Variants in FAM169A observed in about 807,000 individuals in gnomAD.
The protein encoded by FAM169A is family with sequence similarity 169 member A.
Under a neutral mutation model 75.7 loss-of-function variants are expected in FAM169A, and 24 were observed. The observed-to-expected ratio is 0.32, with a 90% CI of 0.23 to 0.45. The LOEUF (loss-of-function observed/expected upper bound fraction) is 0.45, where lower values mean the gene tolerates loss of function less well. Among genes scored for constraint, FAM169A ranks in the 20% least tolerant of loss-of-function variants. The pLI is 1.00. For missense variants in FAM169A, 673 were observed against 784.0 expected (o/e 0.86, Z 1.69); for synonymous variants, 271 against 271.0 (o/e 1.00, Z 0.00).
At chr5:74,863,894 T>C (rs542242406) in intron 1 of FAM169A, among the ~76,000 whole-genome samples, 7 of 152,220 alleles carry the variant, frequency 4.6e-5, no homozygotes, top group Non-Finnish European at 1.0e-4. Flanking sequence ...AAAATCTCAT[T>C]CCCCATAGGC....
At chr5:74,832,735 C>G (rs1463640108) in intron 5 of FAM169A, among the ~76,000 whole-genome samples, 1 of 151,448 alleles carries the variant, frequency 6.6e-6, no homozygotes, top group Non-Finnish European at 1.5e-5. Flanking sequence ...GACAATTTCT[C>G]TAAAATATTT....
Position 74,781,808 on chromosome 5 carries a change from C to G in FAM169A, c.1665G>C (p.Pro555=). The G allele has an allele frequency of 6.2e-7, 1 of 1,614,012 alleles. No homozygotes were observed. Among genetic ancestry groups the G allele is most frequent in the Middle Eastern group, 1.6e-4 (1 of 6,062 alleles). Residue 555 remains proline, a synonymous_variant, in exon 13 of 13, where the codon CCG becomes CCC. Coordinates refer to ENST00000687041, the MANE Select transcript of FAM169A (RefSeq NM_001376049.1). ...NSVIAEFSEE[P]VSENLSPNTT... is the part of the protein sequence containing the mutation. ...TATTAGGAGACAAATTCTCAGAGAC[C>G]GGTTCTTCGGAAAATTCAGCTATCA...
chr5:74,794,778 C>CAAA (rs980861741), intron 11 of FAM169A, among the ~76,000 whole-genome samples: 1 of 65,746 alleles, frequency 1.5e-5, no homozygotes, highest in Admixed American at 1.7e-4. Flanking sequence ...AACTCCGTCT[C>CAAA]AAAAAAAAAA....
intron 1 of FAM169A, among the ~76,000 whole-genome samples, chr5:74,847,146 T>C (rs1029447453): frequency 6.6e-6 from 1 of 152,206 alleles, no homozygotes; most frequent in Non-Finnish European, 1.5e-5. Context: ...TGGTAAAATA[T>C]ACATAACAAA....
chr5:74,797,781 G>A (rs1194739109), intron 10 of FAM169A, among the ~76,000 whole-genome samples: 4 of 152,036 alleles, frequency 2.6e-5, no homozygotes, highest in African/African-American at 9.7e-5. Context: ...TGTAGATAAG[G>A]AGTCAGCAAA....
chr5:74,779,959 ATTT>A lies in FAM169A; in HGVS notation c.*1498_*1500del, dbSNP rs1745329363. On this transcript the variant is annotated 3_prime_UTR_variant, in exon 13 of 13. Coordinates refer to ENST00000687041, the MANE Select transcript of FAM169A (RefSeq NM_001376049.1). ...TTTGCATAAGGATCAAGATCAAGCT[ATTT>A]TTAAAACAATTTAAATGGTCTCAAA... 6.6e-6 allele frequency: 1 copy of A among 152,248 alleles called. No homozygotes were observed. Among genetic ancestry groups the A allele is most frequent in the South Asian group, 2.1e-4 (1 of 4,836 alleles). The allele number at this position is 152,248 out of a possible 1,614,324, so 9.4% of individuals were successfully genotyped here. A position where few individuals can be genotyped will look rare whatever the true frequency, so the allele number is the denominator to read the frequency against.
chr5:74,853,701 A>ATTTTT (rs34017579), intron 1 of FAM169A, among the ~76,000 whole-genome samples: 6 of 110,188 alleles, frequency 5.4e-5, no homozygotes, highest in Non-Finnish European at 1.0e-4. Context: ...CATCTTCAGA[A>ATTTTT]TTTTTTTTTT....
At chr5:74,832,586 T>C (rs1225702238) in intron 5 of FAM169A, among the ~76,000 whole-genome samples, 2 of 150,074 alleles carry the variant, frequency 1.3e-5, no homozygotes, top group Non-Finnish European at 3.0e-5. Context: ...CATATCAGTA[T>C]ATATATGAAA....
chr5:74,857,114 A>AG (rs1749752292), intron 1 of FAM169A, among the ~76,000 whole-genome samples: 1 of 151,092 alleles, frequency 6.6e-6, no homozygotes, highest in Non-Finnish European at 1.5e-5. Flanking sequence ...ACCTCAAAAA[A>AG]AAAAAAAAAA....
intron 4 of FAM169A, 31 bp from the exon 5 acceptor site, chr5:74,834,628 A>C (rs1374183227): frequency 1.4e-6 from 2 of 1,473,194 alleles, no homozygotes; most frequent in African/African-American, 2.9e-5. Context: ...CAGGCACAGC[A>C]GTTATAATAT....
chr5:74,800,104 C>A, intron 10 of FAM169A: 1 of 602,814 alleles, frequency 1.7e-6, no homozygotes. Context: ...CGCCATCCAG[C>A]GTGACAAACT....
At chr5:74,840,369 A>G (rs1748794080) in intron 2 of FAM169A, among the ~76,000 whole-genome samples, 196 bp from the exon 3 acceptor site, 1 of 152,146 alleles carries the variant, frequency 6.6e-6, no homozygotes, top group African/African-American at 2.4e-5. Flanking sequence ...GTCTTAGGGA[A>G]AATATGAAAA....
At chr5:74,795,003 A>G (rs374035150) in intron 11 of FAM169A, among the ~76,000 whole-genome samples, 1 of 152,044 alleles carries the variant, frequency 6.6e-6, no homozygotes, top group Non-Finnish European at 1.5e-5. Flanking sequence ...CACGCCTGTA[A>G]TCCCAGCACT....
chr5:74,830,979 G>A (rs1748283096), intron 5 of FAM169A, among the ~76,000 whole-genome samples: 2 of 152,052 alleles, frequency 1.3e-5, no homozygotes, highest in Non-Finnish European at 2.9e-5. Context: ...CTCTTCTCAA[G>A]ACTCCAAGAA....
chr5:74,788,557 T>C (rs1313413815), intron 11 of FAM169A, among the ~76,000 whole-genome samples: 1 of 151,648 alleles, frequency 6.6e-6, no homozygotes, highest in Non-Finnish European at 1.5e-5. Flanking sequence ...AATACAAAAT[T>C]AGCCGGGCAT....
At chr5:74,832,954 T>C (rs1169285655) in intron 5 of FAM169A, among the ~76,000 whole-genome samples, 1 of 151,912 alleles carries the variant, frequency 6.6e-6, no homozygotes, top group Non-Finnish European at 1.5e-5. Context: ...CTCAATGCTA[T>C]AAAATAGTTA....
At chr5:74,808,673 AAAT>A (rs1264594303) in intron 6 of FAM169A, among the ~76,000 whole-genome samples, 2 of 152,228 alleles carry the variant, frequency 1.3e-5, no homozygotes, top group Non-Finnish European at 2.9e-5. Context: ...AAAGCACACT[AAAT>A]AATATTTTAT....
At chr5:74,857,604 A>AAAAAAAAAAAAAATC (rs1749791659) in intron 1 of FAM169A, among the ~76,000 whole-genome samples, 1 of 144,172 alleles carries the variant, frequency 6.9e-6, no homozygotes, top group African/African-American at 2.6e-5. Flanking sequence ...AAAAAAAAAA[A>AAAAAAAAAAAAAATC]CTTCCCTTAA....
At chr5:74,824,348 A>C (rs1022795131) in intron 5 of FAM169A, among the ~76,000 whole-genome samples, 1 of 152,208 alleles carries the variant, frequency 6.6e-6, no homozygotes, top group Non-Finnish European at 1.5e-5. Context: ...TGCTATTTAC[A>C]CAAATTTGCA....
Sources: allele counts gnomAD v4.1 joint callset (sites outside exome capture counted in the v4.1 genomes callset), GRCh38; gene constraint gnomAD v4.1.1; transcripts MANE v1.5; gene names NCBI Gene and HGNC (gene_info 2026-07-23, HGNC 2026-07-21).